Variants in COL22A1 observed in about 807,000 individuals in gnomAD.
The protein encoded by COL22A1 is collagen alpha-1(XXII) chain.
COL22A1 carries 221 observed loss-of-function variants against 248.9 expected under a neutral mutation model. The ratio of observed to expected loss-of-function variants is 0.89; its 90% CI spans 0.80 to 0.99. The LOEUF is 0.99. COL22A1 is among the 50% of genes least tolerant of loss of function. COL22A1 has a pLI of 0.00. For synonymous variants in COL22A1, 891 were observed against 793.4 expected (o/e 1.12, Z -2.07); for missense variants, 2,240 against 2,179.0 (o/e 1.03, Z -0.56).
intron 35 of COL22A1, among the ~76,000 whole-genome samples, chr8:138,693,250 CTGTG>C (rs140727299): frequency 1.3e-5 from 2 of 150,544 alleles, no homozygotes; most frequent in South Asian, 2.1e-4. Flanking sequence ...GTGTTTGGGG[CTGTG>C]TGTGTGTGTG....
intron 16 of COL22A1, among the ~76,000 whole-genome samples, chr8:138,767,579 G>A (rs996977663): frequency 9.9e-5 from 15 of 152,228 alleles, no homozygotes; most frequent in African/African-American, 3.6e-4. Context: ...GCAAACGAAA[G>A]AGGACTGGAC....
intron 15 of COL22A1, among the ~76,000 whole-genome samples, chr8:138,777,058 G>A (rs1814530248): frequency 6.6e-6 from 1 of 152,220 alleles, no homozygotes; most frequent in African/African-American, 2.4e-5. Context: ...CAATGGCGCA[G>A]GGTAGGGACC....
intron 1 of COL22A1, among the ~76,000 whole-genome samples, chr8:138,885,030 A>ACG (rs1177729215): frequency 2.6e-5 from 4 of 152,116 alleles, no homozygotes; most frequent in Non-Finnish European, 5.9e-5. Context: ...ACACACACAC[A>ACG]CACGCACACA....
Position 138,755,809 on chromosome 8 carries a change from C to G in COL22A1, c.1923G>C (p.Gly641=). Residue 641 remains glycine, a synonymous_variant, in exon 19 of 65, where the codon GGG becomes GGC. Coordinates refer to ENST00000303045, the MANE Select transcript of COL22A1 (RefSeq NM_152888.3). ...CCACTGAGCCTGGTACACCAGGTGG[C>G]CCCGCAGGTCCCACGTCACCCTGCA... ...QGEKGDVGPA[G]PPGVPGSVVQ... is the part of the protein sequence containing the mutation. The G allele has an allele frequency of 6.2e-7, 1 of 1,614,122 alleles. No homozygotes were observed. Among genetic ancestry groups the G allele is most frequent in the Non-Finnish European group, 8.5e-7 (1 of 1,179,976 alleles).
chr8:138,744,190 T>C (rs894585514), intron 22 of COL22A1, among the ~76,000 whole-genome samples: 26 of 152,172 alleles, frequency 1.7e-4, no homozygotes, highest in Admixed American at 5.9e-4. Context: ...GATTTTAGAA[T>C]GAAAAAGGAA....
chr8:138,770,019 T>A (rs1453098636), intron 16 of COL22A1, among the ~76,000 whole-genome samples: 1 of 152,110 alleles, frequency 6.6e-6, no homozygotes, highest in Admixed American at 6.5e-5. Context: ...GGCATCACCA[T>A]CCACCCCTAA....
At chr8:138,690,896 G>C in intron 35 of COL22A1, 22 bp from the exon 36 acceptor site, 2 of 1,599,850 alleles carry the variant, frequency 1.3e-6, no homozygotes, top group Admixed American at 1.7e-5. Context: ...CAGAAGTTTA[G>C]AAAGGCCAAA....
chr8:138,650,624 T>C (rs527834070), intron 45 of COL22A1, among the ~76,000 whole-genome samples: 2 of 152,072 alleles, frequency 1.3e-5, no homozygotes, highest in Non-Finnish European at 2.9e-5. Flanking sequence ...TGATCGGAGT[T>C]TAATGGATAA....
intron 24 of COL22A1, 140 bp from the exon 25 acceptor site, chr8:138,724,808 C>T: frequency 1.3e-6 from 1 of 744,512 alleles, no homozygotes; most frequent in East Asian, 2.6e-5. Context: ...TGGTCATCCG[C>T]TGTGAAACGC....
At chr8:138,838,220 T>A (rs1820583332) in intron 4 of COL22A1, among the ~76,000 whole-genome samples, 1 of 152,138 alleles carries the variant, frequency 6.6e-6, no homozygotes, top group African/African-American at 2.4e-5. Flanking sequence ...CAGCCACTTC[T>A]CAGGGCCACC....
intron 62 of COL22A1, 73 bp downstream of exon 62, chr8:138,596,831 C>T (rs909231871): frequency 1.9e-5 from 26 of 1,386,952 alleles, no homozygotes; most frequent in Non-Finnish European, 2.5e-5. Context: ...GATGCAAAAG[C>T]ATTCAAGGCT....
rs1564179990 is a variant in COL22A1 at position 138,676,458 on chromosome 8, G to GAAAGAAAGAAAGA, written c.3150+99_3150+100insTCTTTCTTTCTTT. The GAAAGAAAGAAAGA allele has an allele frequency of 2.9e-4, 45 of 155,624 alleles. 1 individual carries two copies. The highest frequency in any genetic ancestry group is 7.6e-4 in the African/African-American group (13 of 17,110). The allele number at this position is 155,624 out of a possible 1,614,324, so 9.6% of individuals were successfully genotyped here. On this transcript the variant is annotated intron_variant, in intron 41 of 64. Transcript: ENST00000303045. ...GAAAGAAAGAAAGAAAGAAAGAAAG[G>GAAAGAAAGAAAGA]AAGAAAGAAAGAAAGAAAAGAGTGT...
chr8:138,699,648 G>C (rs960572789), intron 32 of COL22A1, among the ~76,000 whole-genome samples: 1 of 152,112 alleles, frequency 6.6e-6, no homozygotes, highest in Non-Finnish European at 1.5e-5. Flanking sequence ...GCACACCCCA[G>C]GCTACATCTC....
chr8:138,718,874 A>T (rs1360031502), intron 27 of COL22A1, among the ~76,000 whole-genome samples: 3 of 152,250 alleles, frequency 2.0e-5, no homozygotes, highest in African/African-American at 7.2e-5. Context: ...TAGATTGAAA[A>T]GCTGGAGTAA....
At chr8:138,779,904 T>C (rs1418938843) in intron 13 of COL22A1, among the ~76,000 whole-genome samples, 2 of 152,202 alleles carry the variant, frequency 1.3e-5, no homozygotes, top group African/African-American at 2.4e-5. Context: ...TAGCCTGGAC[T>C]ACAGGCACGC....
chr8:138,664,832 C>T (rs926742434), intron 41 of COL22A1, among the ~76,000 whole-genome samples: 3 of 152,144 alleles, frequency 2.0e-5, no homozygotes, highest in Admixed American at 6.5e-5. Flanking sequence ...CCAATCATCC[C>T]TTCTTTTCAC....
intron 4 of COL22A1, among the ~76,000 whole-genome samples, chr8:138,834,325 C>T (rs1026753123): frequency 6.7e-6 from 1 of 148,264 alleles, no homozygotes; most frequent in Admixed American, 6.7e-5. Context: ...TACTCTAAGG[C>T]ACTACTGAAA....
At chr8:138,821,672 C>T (rs1012982022) in intron 6 of COL22A1, among the ~76,000 whole-genome samples, 9 of 152,146 alleles carry the variant, frequency 5.9e-5, no homozygotes, top group African/African-American at 2.2e-4. Context: ...AATAATTGCA[C>T]TCATACATTA....
intron 49 of COL22A1, among the ~76,000 whole-genome samples, chr8:138,631,582 A>G (rs560003334): frequency 6.6e-6 from 1 of 152,320 alleles, no homozygotes; most frequent in African/African-American, 2.4e-5. Context: ...TGAATGGAAG[A>G]AGACTTCTAT....
Sources: gnomAD v4.1 joint callset for allele counts (sites outside exome capture counted in the v4.1 genomes callset) on GRCh38, gnomAD v4.1.1 for gene constraint, MANE v1.5 for transcripts, NCBI Gene and HGNC (gene_info 2026-07-23, HGNC 2026-07-21) for gene names.